Variants in RFC3 observed in about 807,000 individuals in gnomAD.
RFC3 encodes A1 38 kDa subunit.
In RFC3, 41 loss-of-function variants were observed where a neutral mutation model predicts 45.1. The ratio of observed to expected loss-of-function variants is 0.91; its 90% confidence interval spans 0.71 to 1.18. RFC3 has a LOEUF of 1.18. RFC3 is among the 50% of genes most tolerant of loss of function. RFC3 has a pLI of 0.00. For synonymous variants in RFC3, 149 were observed against 144.0 expected (o/e 1.03, Z -0.25); for missense variants, 423 against 428.1 (o/e 0.99, Z 0.10).
chr13:33,938,738 C>T (rs1182952604), intron 8 of RFC3, among the ~76,000 whole-genome samples: 1 of 151,960 alleles, frequency 6.6e-6, no homozygotes, highest in Admixed American at 6.6e-5. Context: ...TGTACATATC[C>T]TTTGGTGGAC....
At chr13:33,874,722 A>G (rs1033743812) in intron 8 of RFC3, among the ~76,000 whole-genome samples, 1 of 152,190 alleles carries the variant, frequency 6.6e-6, no homozygotes, top group Non-Finnish European at 1.5e-5. Context: ...TCAGGCCATG[A>G]GGAAATATAT....
intron 8 of RFC3, among the ~76,000 whole-genome samples, chr13:33,917,611 G>T (rs1486315968): frequency 6.6e-6 from 1 of 152,070 alleles, no homozygotes; most frequent in Non-Finnish European, 1.5e-5. Context: ...CCTGGTGGTC[G>T]TGGCTCAGAC....
intron 8 of RFC3, among the ~76,000 whole-genome samples, chr13:33,891,754 A>G (rs994104299): frequency 6.6e-6 from 1 of 152,198 alleles, no homozygotes; most frequent in Admixed American, 6.6e-5. Context: ...TACTTCTACA[A>G]TGTCAAATAT....
intron 8 of RFC3, among the ~76,000 whole-genome samples, chr13:33,904,714 G>A (rs77737637): frequency 0.034 from 5,180 of 151,986 alleles, 121 homozygotes; most frequent in Non-Finnish European, 0.05. Flanking sequence ...CTGCCTGCCC[G>A]CCCTTCTCTC....
intron 3 of RFC3, among the ~76,000 whole-genome samples, chr13:33,825,013 C>G (rs2082036257): frequency 6.6e-6 from 1 of 152,118 alleles, no homozygotes; most frequent in African/African-American, 2.4e-5. Context: ...AACTTAGTGG[C>G]TCTTTGAGAA....
At chr13:33,931,781 A>G (rs1175947815) in intron 8 of RFC3, among the ~76,000 whole-genome samples, 2 of 152,142 alleles carry the variant, frequency 1.3e-5, no homozygotes, top group African/African-American at 4.8e-5. Context: ...CCTGCAATCT[A>G]AAGATCAAAT....
rs551460463 is a variant in RFC3, at chr13:33,959,599, T to A, written c.880-6488T>A. Among the ~76,000 whole-genome samples the A allele has an allele frequency of 9.9e-5, 15 of 152,246 alleles. No individual in the cohort carries two copies. The South Asian group carries it at 2.9e-3, about 29-fold the overall frequency. On this transcript the variant is annotated intron_variant, in intron 8 of 8. Coordinates refer to the RFC3 transcript ENST00000434425. ...GCAATTTGTTTACATCCAGAACATT[T>A]ATCTCAGGCCCAGTTGTACTTATTT...
downstream of RFC3, among the ~76,000 whole-genome samples, chr13:33,842,299 A>G (rs1440473322): frequency 6.6e-6 from 1 of 152,130 alleles, no homozygotes; most frequent in Non-Finnish European, 1.5e-5. Flanking sequence ...GGAAAAAAAA[A>G]AAAAGAAAAA....
At chr13:33,840,066 G>A (rs577817947), downstream of RFC3, among the ~76,000 whole-genome samples, 36 of 152,254 alleles carry the variant, frequency 2.4e-4, no homozygotes, top group African/African-American at 8.4e-4. Context: ...CCAACAGTTT[G>A]AGTAAGAAGC....
downstream of RFC3, among the ~76,000 whole-genome samples, chr13:33,841,985 T>G (rs1052702124): frequency 4.6e-5 from 7 of 152,090 alleles, no homozygotes; most frequent in Admixed American, 6.6e-5. Context: ...TCAATTGCAA[T>G]TTGAAAATAT....
intron 8 of RFC3, among the ~76,000 whole-genome samples, chr13:33,855,034 A>C (rs1238414838): frequency 6.6e-6 from 1 of 152,146 alleles, no homozygotes; most frequent in African/African-American, 2.4e-5. Context: ...AAAACAATCG[A>C]CTAGCGACAA....
chr13:33,924,077 A>G (rs189682337), intron 8 of RFC3, among the ~76,000 whole-genome samples: 13 of 152,268 alleles, frequency 8.5e-5, no homozygotes, highest in Admixed American at 7.2e-4. Context: ...CAAATTAAAA[A>G]GAGACTAAAT....
chr13:33,882,231 A>G (rs2137600917), intron 8 of RFC3, among the ~76,000 whole-genome samples: 1 of 152,378 alleles, frequency 6.6e-6, no homozygotes, highest in Non-Finnish European at 1.5e-5. Flanking sequence ...GCTATGAACT[A>G]AACTATACAC....
At chr13:33,856,713 A>G (rs985457650) in intron 8 of RFC3, among the ~76,000 whole-genome samples, 3 of 152,122 alleles carry the variant, frequency 2.0e-5, no homozygotes, top group African/African-American at 4.8e-5. Context: ...TGGAAATGCA[A>G]TTTTGCCTGG....
intron 8 of RFC3, among the ~76,000 whole-genome samples, chr13:33,914,940 T>A (rs1183199691): frequency 2.0e-5 from 3 of 152,170 alleles, no homozygotes; most frequent in African/African-American, 4.8e-5. Context: ...TATTCTTTTT[T>A]CAGTCTTCAA....
At chr13:33,914,165 TA>T (rs111450294) in intron 8 of RFC3, among the ~76,000 whole-genome samples, 27,135 of 152,022 alleles carry the variant, frequency 0.18, 3,296 homozygotes, top group African/African-American at 0.31. Flanking sequence ...AAGAGCATCT[TA>T]TTTCTACTTT....
chr13:33,925,619 TATAC>T (rs1392956403), intron 8 of RFC3, among the ~76,000 whole-genome samples: 2 of 151,214 alleles, frequency 1.3e-5, no homozygotes, highest in Admixed American at 6.6e-5. Context: ...TAGTGTACTA[TATAC>T]ATACATATAT....
At chr13:33,889,483 T>C (rs1234555597) in intron 8 of RFC3, among the ~76,000 whole-genome samples, 1 of 152,254 alleles carries the variant, frequency 6.6e-6, no homozygotes, top group Non-Finnish European at 1.5e-5. Context: ...TGTAAATGCA[T>C]GTATGCATTG....
intron 8 of RFC3, among the ~76,000 whole-genome samples, chr13:33,957,713 A>G (rs570931649): frequency 4.5e-4 from 68 of 152,242 alleles, no homozygotes; most frequent in Non-Finnish European, 6.8e-4. Flanking sequence ...GCGCAAGCCC[A>G]CTGCATTGAT....
Sources: allele counts gnomAD v4.1 joint callset (sites outside exome capture counted in the v4.1 genomes callset), GRCh38; gene constraint gnomAD v4.1.1; transcripts MANE v1.5; gene names NCBI Gene and HGNC (gene_info 2026-07-23, HGNC 2026-07-21).